SLC25A30: variants seen among roughly 807,000 people sequenced by gnomAD.
The protein encoded by SLC25A30 is solute carrier family 25 member 30, also known as kidney mitochondrial carrier protein 1.
SLC25A30 carries 29 observed loss-of-function variants against 42.7 expected under a neutral mutation model. That is an observed-to-expected ratio of 0.68 (90% CI 0.51 to 0.93). The LOEUF is 0.93. SLC25A30 is among the 40% of genes least tolerant of loss of function. SLC25A30 has a pLI of 0.00. For missense variants in SLC25A30, 300 were observed against 359.7 expected, an observed-to-expected ratio of 0.83 and a Z score of 1.34; for synonymous variants, 124 against 131.0, an observed-to-expected ratio of 0.95 and a Z score of 0.37.
At chr13:45,397,428 C>T (rs1593596427) in intron 8 of SLC25A30, 90 bp from the exon 9 acceptor site, 1 of 907,056 alleles carries the variant, frequency 1.1e-6, no homozygotes, top group Non-Finnish European at 1.7e-6. Context: ...CGCGGTGGCT[C>T]ACGCCTTTAA....
At chr13:45,396,264 CGCTGAT>C in intron 9 of SLC25A30, 1 of 1,363,616 alleles carries the variant, frequency 7.3e-7, no homozygotes, top group Non-Finnish European at 9.5e-7. Flanking sequence ...ATGGCATCTA[CGCTGAT>C]AAGCTTTTGT....
Position 45,393,886 on chromosome 13 carries a change from G to C in SLC25A30, c.*2088C>G. 6 of 985,250 alleles carry C rather than the reference G, an allele frequency of 6.1e-6. No individual in the cohort carries two copies. Among genetic ancestry groups the C allele is most frequent in the Non-Finnish European group, 6.0e-6 (5 of 829,892 alleles). The allele number at this position is 985,250 out of a possible 1,614,324, so 61.0% of individuals were successfully genotyped here. On this transcript the variant is annotated 3_prime_UTR_variant, in exon 10 of 10. Coordinates refer to ENST00000519676, the MANE Select transcript of SLC25A30 (RefSeq NM_001010875.4). Reference sequence around the variant, plus strand: ...ACATGTATGTAATTTGAATAAACTGGTAATAATACTGTCTGACATTCGCTC... The same window carrying C: ...ACATGTATGTAATTTGAATAAACTGCTAATAATACTGTCTGACATTCGCTC...
intron 5 of SLC25A30, 85 bp from the exon 6 acceptor site, chr13:45,402,455 G>A (rs890246741): frequency 7.4e-6 from 8 of 1,078,118 alleles, no homozygotes; most frequent in Admixed American, 3.6e-5. Context: ...CAGTCAGTCC[G>A]TCAGTCAGTT....
At position 45,393,466 on chromosome 13, in the gene SLC25A30, G is replaced by T; in HGVS notation, c.*2508C>A. On this transcript the variant is annotated 3_prime_UTR_variant, in exon 10 of 10. Transcript: ENST00000519676. ...ATAATGCATACTATTTCTAGCACAT[G>T]AATAAATATAAAGGACAGGAGCCAC... 3 of 983,626 alleles carry T rather than the reference G, an allele frequency of 3.0e-6. No homozygotes were observed. Among genetic ancestry groups the T allele is most frequent in the Non-Finnish European group, 3.6e-6 (3 of 828,406 alleles). The allele number at this position is 983,626 out of a possible 1,614,324, so 60.9% of individuals were successfully genotyped here.
In SLC25A30 at chr13:45,395,859, T is replaced by G. The variant is rs1258241125; in HGVS notation, c.*115A>C. ...AACTAACCCAGTCTTCATCTGTTGC[T>G]CACATCCCAGAATCTGTGATGAGCC... On this transcript the variant is annotated 3_prime_UTR_variant, in exon 10 of 10. Transcript: ENST00000519676. 1 of 1,602,782 alleles carries G rather than the reference T, an allele frequency of 6.2e-7. No individual in the cohort carries two copies. The highest frequency in any genetic ancestry group is 2.2e-5 in the East Asian group (1 of 44,720).
the SLC25A30 span, among the ~76,000 whole-genome samples, chr13:45,424,062 T>A: frequency 2.0e-5 from 2 of 102,078 alleles, no homozygotes; most frequent in South Asian, 3.3e-4. Context: ...TCTATAAAAA[T>A]ATATATATTT....
chr13:45,425,091 T>TATAC, the SLC25A30 span, among the ~76,000 whole-genome samples: 66 of 30,822 alleles, frequency 2.1e-3, 11 homozygotes, highest in African/African-American at 9.5e-3. Context: ...AATATATAAA[T>TATAC]ATATTTATAA....
chr13:45,409,485 G>C (rs1015197821), intron 2 of SLC25A30, among the ~76,000 whole-genome samples: 24 of 137,868 alleles, frequency 1.7e-4, no homozygotes, highest in African/African-American at 5.6e-4. Flanking sequence ...TTCTAAAGTG[G>C]TTTTCCACTT....
At position 45,405,654 on chromosome 13, in the gene SLC25A30, A is replaced by C. The variant is rs192153527; in HGVS notation, c.307+229T>G. 3.3e-5 allele frequency among the ~76,000 whole-genome samples: 5 copies of C among 152,344 alleles called. No individual in the cohort carries two copies. In the East Asian group the frequency reaches 9.6e-4, roughly 29 times the overall value. On this transcript the variant is annotated intron_variant, in intron 4 of 9. Coordinates refer to ENST00000519676, the MANE Select transcript of SLC25A30 (RefSeq NM_001010875.4). ...TGGTCTAGGCATTTTGGAGATGGGG[A>C]CAACTAATTAAAATGTTTGCAGAGA...
In SLC25A30 at chr13:45,416,205, C is replaced by T. The variant is rs543936564; in HGVS notation, c.-56+2095G>A. 5.3e-3 allele frequency among the ~76,000 whole-genome samples: 804 copies of T among 151,720 alleles called. 9 individuals are homozygous for T. Among genetic ancestry groups the T allele is most frequent in the African/African-American group, 0.018 (729 of 41,476 alleles). On this transcript the variant is annotated intron_variant, in intron 1 of 9. Coordinates refer to ENST00000519676, the MANE Select transcript of SLC25A30 (RefSeq NM_001010875.4). ...GGTGGATCACCTGACGTCAGGAGTTCGAGACCAGCCTGGCCAACACGGTGA... is the reference window on the plus strand; with the variant it reads ...GGTGGATCACCTGACGTCAGGAGTTTGAGACCAGCCTGGCCAACACGGTGA...
intron 7 of SLC25A30, among the ~76,000 whole-genome samples, chr13:45,400,020 A>ATATATG (rs201935854): frequency 0.073 from 8,490 of 116,572 alleles, 344 homozygotes; most frequent in South Asian, 0.099. Context: ...ATGATTATAT[A>ATATATG]TATATATATA....
intron 7 of SLC25A30, 40 bp downstream of exon 7, chr13:45,401,043 T>A (rs770830378): frequency 5.3e-6 from 8 of 1,522,174 alleles, no homozygotes; most frequent in Non-Finnish European, 7.1e-6. Flanking sequence ...AAACTTTCTT[T>A]AGAATTTCTA....
At chr13:45,414,401 T>A (rs1843079836) in intron 1 of SLC25A30, among the ~76,000 whole-genome samples, 1 of 152,102 alleles carries the variant, frequency 6.6e-6, no homozygotes, top group South Asian at 2.1e-4. Context: ...GCGGATCACC[T>A]GAGGTCAGGA....
chr13:45,410,294 C>T (rs1882889511), intron 2 of SLC25A30, among the ~76,000 whole-genome samples: 1 of 152,194 alleles, frequency 6.6e-6, no homozygotes, highest in Non-Finnish European at 1.5e-5. Flanking sequence ...GCTTCTCAAA[C>T]CTCTTTACAG....
the SLC25A30 span, among the ~76,000 whole-genome samples, chr13:45,423,615 A>G: frequency 1.9e-5 from 2 of 102,796 alleles, no homozygotes; most frequent in African/African-American, 8.1e-5. Context: ...AAATATATAT[A>G]AAATATATAT....
chr13:45,427,923 G>A, the SLC25A30 span, among the ~76,000 whole-genome samples: 1 of 151,834 alleles, frequency 6.6e-6, no homozygotes, highest in Admixed American at 6.6e-5. Context: ...TGTATTTTTA[G>A]TAGAAACGGG....
chr13:45,422,132 A>G (rs987242558), upstream of SLC25A30, among the ~76,000 whole-genome samples: 1 of 152,186 alleles, frequency 6.6e-6, no homozygotes, highest in African/African-American at 2.4e-5. Context: ...TGTGCACTAT[A>G]TAGTGGCAAT....
upstream of SLC25A30, among the ~76,000 whole-genome samples, chr13:45,421,637 A>T (rs1044078196): frequency 6.6e-6 from 1 of 152,176 alleles, no homozygotes; most frequent in African/African-American, 2.4e-5. Context: ...CCTTGAGTTA[A>T]TTAAAGTCCT....
At chr13:45,424,677 T>A in the SLC25A30 span, among the ~76,000 whole-genome samples, 62 of 43,972 alleles carry the variant, frequency 1.4e-3, 1 homozygote, top group African/African-American at 3.8e-3. Context: ...ATATATATAG[T>A]TATATATAGA....
Sources: gnomAD v4.1 joint callset for allele counts (sites outside exome capture counted in the v4.1 genomes callset) on GRCh38, gnomAD v4.1.1 for gene constraint, MANE v1.5 for transcripts, NCBI Gene and HGNC (gene_info 2026-07-23, HGNC 2026-07-21) for gene names.